Variants in PYROXD1 observed in about 807,000 individuals in gnomAD.
The protein encoded by PYROXD1 is tRNA ligase complex-associated NAD(P)H dehydrogenase PYROXD1.
In PYROXD1, 42 loss-of-function variants were observed where a neutral mutation model predicts 62.0. That is an observed-to-expected ratio of 0.68 (90% CI 0.53 to 0.88). The LOEUF (loss-of-function observed/expected upper bound fraction) is 0.88, where lower values mean the gene tolerates loss of function less well. Among genes scored for constraint, PYROXD1 ranks in the 40% least tolerant of loss-of-function variants. The pLI, the probability that PYROXD1 is intolerant of heterozygous loss-of-function variation, is 0.00. For synonymous variants in PYROXD1, 170 were observed against 206.4 expected (o/e 0.82, Z 1.51); for missense variants, 493 against 604.8 (o/e 0.82, Z 1.94).
rs749145887 is a variant in PYROXD1, at chr12:21,456,021, T to C, written c.676T>C (p.Ser226Pro). Reference sequence around the variant, plus strand: ...AAGGAAAAAGGAAGCTAGAAGCAAATCTAAAGCAGATAATGTAGGAAGTGC... The same window carrying C: ...AAGGAAAAAGGAAGCTAGAAGCAAACCTAAAGCAGATAATGTAGGAAGTGC... ...EGRKKEARSKSKADNVGSALG... is the reference protein window; with the variant it reads ...EGRKKEARSKPKADNVGSALG... Residue 226 changes from serine to proline, a missense_variant, in exon 7 of 12, where the codon TCT (serine) becomes CCT (proline). This residue lies in a region of PYROXD1 where 329 missense variants were observed against 446.6 expected (regional missense o/e 0.74). Coordinates refer to ENST00000240651, the MANE Select transcript of PYROXD1 (RefSeq NM_024854.5). 1.2e-6 allele frequency: 2 copies of C among 1,610,842 alleles called. No homozygotes were observed. Among genetic ancestry groups the C allele is most frequent in the Admixed American group, 3.4e-5 (2 of 59,622 alleles).
intron 9 of PYROXD1, 30 bp downstream of exon 9, chr12:21,462,150 A>C (rs372975909): frequency 1.8e-4 from 219 of 1,241,538 alleles, no homozygotes; most frequent in Middle Eastern, 3.8e-4. Flanking sequence ...TCCAGCTGTG[A>C]ATATATTTGA....
rs1246474074 is a variant in PYROXD1 at position 21,447,962 on chromosome 12, G to A, written c.286-1601G>A. ...CACGCCGCTGCACTCCAGCCTGGGC[G>A]ACAGAGCGAGACTCCATCTAAAAAA... On this transcript the variant is annotated intron_variant, in intron 3 of 11. Transcript: ENST00000240651. 7.6e-5 allele frequency: 21 copies of A among 275,666 alleles called. No homozygotes were observed. In the Admixed American group the frequency reaches 8.4e-4, roughly 11 times the overall value. 17.1% of individuals were successfully genotyped at this position (275,666 alleles called of 1,614,324 possible). A position where few individuals can be genotyped will look rare whatever the true frequency, so the allele number is the denominator to read the frequency against.
chr12:21,466,302 T>G (rs1314173001), intron 10 of PYROXD1, among the ~76,000 whole-genome samples: 2 of 148,178 alleles, frequency 1.3e-5, no homozygotes, highest in African/African-American at 5.0e-5. Flanking sequence ...CCCATGAGCA[T>G]GGAATGTTCT....
At chr12:21,465,894 G>C (rs1044498076) in intron 10 of PYROXD1, among the ~76,000 whole-genome samples, 6 of 152,152 alleles carry the variant, frequency 3.9e-5, no homozygotes, top group Non-Finnish European at 8.8e-5. Flanking sequence ...TGGCTAGCCA[G>C]TTTTCCCAGC....
At chr12:21,447,913 C>T (rs961122357) in intron 3 of PYROXD1, 5 of 212,092 alleles carry the variant, frequency 2.4e-5, no homozygotes, top group East Asian at 2.2e-4. Flanking sequence ...GACATGAACC[C>T]GGGAGATTGC....
Position 21,462,739 on chromosome 12 carries a change from G to A in PYROXD1, c.994-1G>A. ...TAACGCTTATGAGGAATGTTGTTTA[G>A]TTTGATCTAGGAGAAGATGGTGGCC... On this transcript the variant is annotated splice_acceptor_variant, in intron 9 of 11. Coordinates refer to ENST00000240651, the MANE Select transcript of PYROXD1 (RefSeq NM_024854.5). LOFTEE classifies it high-confidence loss of function. The A allele has an allele frequency of 1.2e-6, 2 of 1,613,504 alleles. No homozygotes were observed. The highest frequency in any genetic ancestry group is 8.5e-7 in the Non-Finnish European group (1 of 1,179,776).
chr12:21,461,123 A>G lies in PYROXD1; in HGVS notation c.849A>G (p.Pro283=), dbSNP rs1208065207. ...RILKKKSFTF[P]RDHKSVTADT... is the part of the protein sequence containing the mutation. ...TGAAGAAAAAGTCCTTCACTTTTCCAAGAGACCATAAGTCAGTTACAGCTG... is the reference window on the plus strand; with the variant it reads ...TGAAGAAAAAGTCCTTCACTTTTCCGAGAGACCATAAGTCAGTTACAGCTG... Residue 283 remains proline (P), a synonymous_variant, in exon 8 of 12, where the codon CCA becomes CCG. Coordinates refer to ENST00000240651, the MANE Select transcript of PYROXD1 (RefSeq NM_024854.5). 1 of 1,584,842 alleles carries G rather than the reference A, an allele frequency of 6.3e-7. No individual in the cohort carries two copies. Among genetic ancestry groups the G allele is most frequent in the Non-Finnish European group, 8.6e-7 (1 of 1,166,576 alleles).
At chr12:21,447,273 GA>G (rs1196513655) in intron 3 of PYROXD1, among the ~76,000 whole-genome samples, 1 of 151,974 alleles carries the variant, frequency 6.6e-6, no homozygotes, top group African/African-American at 2.4e-5. Context: ...TAATTTGAGA[GA>G]AAAAAGTACT....
chr12:21,460,885 G>A, intron 7 of PYROXD1, 140 bp from the exon 8 acceptor site: 3 of 483,984 alleles, frequency 6.2e-6, no homozygotes, highest in South Asian at 6.4e-5. Context: ...TTATTTTAGG[G>A]CACCCAATGT....
intron 11 of PYROXD1, among the ~76,000 whole-genome samples, chr12:21,468,299 G>A (rs1286084945): frequency 6.6e-6 from 1 of 152,014 alleles, no homozygotes; most frequent in Non-Finnish European, 1.5e-5. Context: ...ATTTTTTAAT[G>A]TCAGTGTAGA....
chr12:21,440,856 G>GT (rs1216993878), intron 2 of PYROXD1, among the ~76,000 whole-genome samples: 2 of 152,000 alleles, frequency 1.3e-5, no homozygotes, highest in Non-Finnish European at 2.9e-5. Context: ...TAATTGTTGG[G>GT]TTTTTATTAT....
chr12:21,460,459 T>C (rs187903612), intron 7 of PYROXD1, among the ~76,000 whole-genome samples: 11 of 151,830 alleles, frequency 7.2e-5, no homozygotes, highest in African/African-American at 2.7e-4. Context: ...AGTCTCGCTC[T>C]GTCACCCAAG....
intron 3 of PYROXD1, 82 bp from the exon 4 acceptor site, chr12:21,449,481 A>T: frequency 7.1e-7 from 1 of 1,401,942 alleles, no homozygotes; most frequent in East Asian, 2.4e-5. Context: ...CTTTTGCCTT[A>T]TTGAATTTTT....
chr12:21,447,043 G>A (rs1218785003), intron 3 of PYROXD1, among the ~76,000 whole-genome samples: 1 of 152,168 alleles, frequency 6.6e-6, no homozygotes, highest in African/African-American at 2.4e-5. Flanking sequence ...AATTTGGCAG[G>A]ACTCAATAAC....
At chr12:21,445,768 G>A (rs1050215925) in intron 3 of PYROXD1, among the ~76,000 whole-genome samples, 4 of 152,062 alleles carry the variant, frequency 2.6e-5, no homozygotes, top group Non-Finnish European at 4.4e-5. Flanking sequence ...ACGAGGTGTT[G>A]GCTCCTAGGA....
Position 21,467,358 on chromosome 12 carries a change from T to C in PYROXD1, c.1117-123T>C, listed in dbSNP as rs1591960081. 9.3e-6 allele frequency: 8 copies of C among 858,360 alleles called. No homozygotes were observed. The East Asian group carries it at 2.2e-4, about 24-fold the overall frequency. 53.2% of individuals were successfully genotyped at this position (858,360 alleles called of 1,614,324 possible). On this transcript the variant is annotated intron_variant, in intron 10 of 11. Transcript: ENST00000240651. ...TTAGTTATCCATTGGTGACTGCTTC[T>C]GTGGCAAAGATGACAGAAAGACTGT...
At position 21,454,941 on chromosome 12, in the gene PYROXD1, C is replaced by A. The variant is rs952065803; in HGVS notation, c.489-191C>A. On this transcript the variant is annotated intron_variant, in intron 5 of 11. Coordinates refer to ENST00000240651, the MANE Select transcript of PYROXD1 (RefSeq NM_024854.5). ...TTCTTTCTGTAAACTGCTTCAGATT[C>A]TTTTACTATTCAATTTTTAATTCTT... The A allele has an allele frequency of 1.9e-5, 7 of 371,048 alleles. No individual in the cohort carries two copies. In the East Asian group the frequency reaches 2.8e-4, roughly 15 times the overall value. 23.0% of individuals were successfully genotyped at this position (371,048 alleles called of 1,614,324 possible).
Position 21,452,161 on chromosome 12 carries a change from A to T in PYROXD1, c.488+7A>T, listed in dbSNP as rs1336837656. The T allele has an allele frequency of 6.8e-7, 1 of 1,471,700 alleles. No homozygotes were observed. The highest frequency in any genetic ancestry group is 2.2e-5 in the Admixed American group (1 of 46,166). 91.2% of individuals were successfully genotyped at this position (1,471,700 alleles called of 1,614,324 possible). ...GTATTGCACTTGAGTTAGTGTAAGT[A>T]TATATTTTTAAATATGATAACATTT... On this transcript the variant is annotated splice_region_variant and intron_variant, in intron 5 of 11. Coordinates refer to ENST00000240651, the MANE Select transcript of PYROXD1 (RefSeq NM_024854.5).
intron 10 of PYROXD1, 94 bp downstream of exon 10, chr12:21,462,956 C>T: frequency 7.7e-7 from 1 of 1,298,958 alleles, no homozygotes; most frequent in Non-Finnish European, 1.0e-6. Flanking sequence ...GGTTTTCCAA[C>T]TTTTCTGCTT....
Sources: gnomAD v4.1 joint callset for allele counts (sites outside exome capture counted in the v4.1 genomes callset) on GRCh38, gnomAD v4.1.1 for gene constraint, gnomAD v4.1.1 regional missense constraint, MANE v1.5 for transcripts, NCBI Gene and HGNC (gene_info 2026-07-23, HGNC 2026-07-21) for gene names.